UBE2F: variants seen among roughly 807,000 people sequenced by gnomAD.
UBE2F encodes the protein NEDD8-conjugating enzyme UBE2F.
A neutral mutation model predicts 29.6 loss-of-function variants in UBE2F; 5 were observed. The ratio of observed to expected loss-of-function variants is 0.17; its 90% CI spans 0.09 to 0.36. The LOEUF (loss-of-function observed/expected upper bound fraction) is 0.36, where lower values mean the gene tolerates loss of function less well. Ranked by LOEUF, UBE2F falls within the 10% of genes least tolerant of loss-of-function variation. The probability of loss-of-function intolerance (pLI) is 1.00; values close to 1 mark genes in which losing one functional copy is unlikely to be tolerated. For missense variants in UBE2F, 141 were observed against 228.5 expected (o/e 0.62, Z 2.47); for synonymous variants, 66 against 81.8 (o/e 0.81, Z 1.04).
At chr2:238,025,742 G>A (rs2106397540) in intron 6 of UBE2F, among the ~76,000 whole-genome samples, 1 of 152,296 alleles carries the variant, frequency 6.6e-6, no homozygotes, top group South Asian at 2.1e-4. Flanking sequence ...CCTCCATGTG[G>A]CTGATTTTAG....
Position 237,977,307 on chromosome 2 carries a change from G to A in UBE2F, c.118+4082G>A, listed in dbSNP as rs945852933. Among the ~76,000 whole-genome samples the A allele has an allele frequency of 5.3e-4, 81 of 152,178 alleles. 2 individuals are homozygous for A. The highest frequency in any genetic ancestry group is 1.9e-3 in the African/African-American group (80 of 41,438). Reference sequence around the variant, plus strand: ...TCCATCCTCCCCAGGCACTGGTAGCGATTAAGTTTCAGAGTCCAAAGCACT... The same window carrying A: ...TCCATCCTCCCCAGGCACTGGTAGCAATTAAGTTTCAGAGTCCAAAGCACT... On this transcript the variant is annotated intron_variant, in intron 2 of 9. Transcript: ENST00000272930.
intron 8 of UBE2F, 73 bp downstream of exon 8, chr2:238,032,327 A>C (rs370228740): frequency 3.3e-5 from 44 of 1,316,996 alleles, no homozygotes; most frequent in East Asian, 3.0e-4. Flanking sequence ...GCGTTAAGAC[A>C]TGGTTTTAAC....
chr2:237,987,672 T>C (rs1022870190), intron 2 of UBE2F, among the ~76,000 whole-genome samples: 1 of 152,192 alleles, frequency 6.6e-6, no homozygotes, highest in East Asian at 1.9e-4. Flanking sequence ...AAAAACACTG[T>C]AGTGACTGGC....
chr2:238,038,772 C>T (rs2106417845), intron 9 of UBE2F, among the ~76,000 whole-genome samples: 1 of 152,376 alleles, frequency 6.6e-6, no homozygotes, highest in South Asian at 2.1e-4. Flanking sequence ...CGTGCGGAGT[C>T]ATAGTCACAG....
chr2:237,992,301 C>T (rs79536921), intron 3 of UBE2F, among the ~76,000 whole-genome samples: 4,031 of 152,284 alleles, frequency 0.026, 171 homozygotes, highest in African/African-American at 0.093. Context: ...GAAACATTTC[C>T]CAAGTCAGAA....
rs1332771600 is a variant in UBE2F, at chr2:237,967,111, T to A, written c.-38T>A. 2 of 1,340,078 alleles carry A rather than the reference T, an allele frequency of 1.5e-6. No individual in the cohort carries two copies. The highest frequency in any genetic ancestry group is 6.4e-5 in the Admixed American group (2 of 31,298). The allele number at this position is 1,340,078 out of a possible 1,614,324, so 83.0% of individuals were successfully genotyped here. Reference sequence around the variant, plus strand: ...CATGGTGTTGGGCGCCGGGCCCGCCTCGCCTGTCTCGGGGAGCCCAGGTGA... The same window carrying A: ...CATGGTGTTGGGCGCCGGGCCCGCCACGCCTGTCTCGGGGAGCCCAGGTGA... On this transcript the variant is annotated 5_prime_UTR_variant, in exon 1 of 10. Transcript: ENST00000272930. This position sits in a 1 kb window ranked among gnomAD's most constrained non-coding sequence, Gnocchi z 6.3.
chr2:238,016,789 T>G (rs1274184085), intron 5 of UBE2F, among the ~76,000 whole-genome samples, 156 bp downstream of exon 5: 2 of 144,810 alleles, frequency 1.4e-5, no homozygotes, highest in Non-Finnish European at 3.0e-5. Flanking sequence ...ATGTCACTCA[T>G]CAGCAGTATT....
chr2:238,030,677 G>C (rs567864100), intron 7 of UBE2F, 64 bp downstream of exon 7: 10 of 1,272,130 alleles, frequency 7.9e-6, no homozygotes, highest in Non-Finnish European at 1.0e-5. Flanking sequence ...GCAGTAGCCA[G>C]CCTCCCGAGA....
intron 4 of UBE2F, among the ~76,000 whole-genome samples, chr2:237,999,487 T>C (rs533491745): frequency 1.3e-5 from 2 of 152,376 alleles, no homozygotes; most frequent in South Asian, 4.1e-4. Flanking sequence ...CTATGTTTTT[T>C]TCCTAGAAGC....
intron 1 of UBE2F, among the ~76,000 whole-genome samples, chr2:237,970,372 TCAAAAAACAAA>T (rs910196725): frequency 1.3e-5 from 2 of 152,146 alleles, no homozygotes; most frequent in Admixed American, 6.5e-5. Context: ...AAGACCTGTC[TCAAAAAACAAA>T]CAAAAAACAT....
At chr2:237,989,465 G>A (rs560657726) in intron 3 of UBE2F, among the ~76,000 whole-genome samples, 49 of 152,132 alleles carry the variant, frequency 3.2e-4, no homozygotes, top group Admixed American at 7.2e-4. Flanking sequence ...TGATTCTTGC[G>A]CCTCAGCCTC....
intron 4 of UBE2F, 29 bp downstream of exon 4, chr2:237,994,838 A>T (rs892328936): frequency 1.3e-6 from 2 of 1,584,998 alleles, no homozygotes; most frequent in East Asian, 4.5e-5. Flanking sequence ...TATTAAAGTG[A>T]TTTCAAACAG....
At chr2:238,032,280 G>A (rs2064599565) in intron 8 of UBE2F, 26 bp downstream of exon 8, 1 of 1,589,446 alleles carries the variant, frequency 6.3e-7, no homozygotes, top group Non-Finnish European at 8.6e-7. Context: ...AAAATCCCAA[G>A]TTATTCTCAA....
intron 2 of UBE2F, among the ~76,000 whole-genome samples, chr2:237,984,346 G>A (rs994202114): frequency 6.6e-6 from 1 of 152,152 alleles, no homozygotes; most frequent in Non-Finnish European, 1.5e-5. Context: ...AATCTCCAAT[G>A]GCTCCCTCCA....
intron 4 of UBE2F, among the ~76,000 whole-genome samples, chr2:238,004,567 A>C (rs554335831): frequency 2.6e-5 from 4 of 152,280 alleles, no homozygotes; most frequent in Admixed American, 2.0e-4. Context: ...GGGATATCCA[A>C]CTTATGATTG....
At position 237,984,385 on chromosome 2, in the gene UBE2F, T is replaced by C. The variant is rs1000011574; in HGVS notation, c.119-3578T>C. 5.0e-4 allele frequency among the ~76,000 whole-genome samples: 76 copies of C among 152,242 alleles called. 2 individuals carry two copies. The highest frequency in any genetic ancestry group is 1.8e-3 in the African/African-American group (76 of 41,450). On this transcript the variant is annotated intron_variant, in intron 2 of 9. Transcript: ENST00000272930. The stretch of plus-strand genomic sequence containing the variant: ...TCCTGTTTCTGTTTTTCTACTTTGT[T>C]TCCCAGTGCTCTGCTGTTGTTTTGG...
chr2:238,039,770 G>A (rs950574850), intron 9 of UBE2F, among the ~76,000 whole-genome samples: 1 of 152,198 alleles, frequency 6.6e-6, no homozygotes, highest in Non-Finnish European at 1.5e-5. Context: ...AGGCATGGAC[G>A]CCGGGCTCTA....
At chr2:238,016,791 A>T (rs1415826712) in intron 5 of UBE2F, among the ~76,000 whole-genome samples, 158 bp downstream of exon 5, 1 of 140,628 alleles carries the variant, frequency 7.1e-6, no homozygotes, top group Non-Finnish European at 1.5e-5. Flanking sequence ...GTCACTCATC[A>T]GCAGTATTTA....
intron 4 of UBE2F, chr2:238,003,478 A>C (rs10929262): frequency 0.32 from 147,540 of 457,212 alleles, 27,140 homozygotes; most frequent in Admixed American, 0.39. Context: ...CCCCTGCCTT[A>C]AATGTAACTC....
Sources: allele counts gnomAD v4.1 joint callset (sites outside exome capture counted in the v4.1 genomes callset), GRCh38; gene constraint gnomAD v4.1.1; non-coding constraint Gnocchi (gnomAD v3.1); transcripts MANE v1.5; gene names NCBI Gene and HGNC (gene_info 2026-07-23, HGNC 2026-07-21).